VKORC1L1: variants seen among roughly 807,000 people sequenced by gnomAD.
VKORC1L1 encodes vitamin K epoxide reductase complex subunit 1L1, also known as vitamin K epoxide reductase complex subunit 1-like protein 1.
VKORC1L1 carries 2 observed loss-of-function variants against 18.9 expected under a neutral mutation model. The observed-to-expected ratio is 0.11, with a 90% CI of 0.04 to 0.33. The LOEUF (loss-of-function observed/expected upper bound fraction) is 0.33. VKORC1L1 is among the 10% of genes least tolerant of loss of function. The pLI is 1.00. For missense variants in VKORC1L1, 123 were observed against 224.1 expected, an observed-to-expected ratio of 0.55 and a Z score of 2.88; for synonymous variants, 96 against 100.0, an observed-to-expected ratio of 0.96 and a Z score of 0.24.
intron 1 of VKORC1L1, among the ~76,000 whole-genome samples, chr7:65,887,929 T>C (rs1789043086): frequency 6.6e-6 from 1 of 152,402 alleles, no homozygotes. Context: ...GTTTAGACTT[T>C]ATCACTTAGT....
intron 1 of VKORC1L1, among the ~76,000 whole-genome samples, chr7:65,913,717 ACT>A (rs1286060549): frequency 2.9e-5 from 3 of 102,486 alleles, no homozygotes; most frequent in African/African-American, 1.1e-4. Flanking sequence ...ACAGAGTGAG[ACT>A]CTGTCTCAAA....
intron 1 of VKORC1L1, among the ~76,000 whole-genome samples, chr7:65,929,183 C>T (rs559567756): frequency 6.6e-5 from 10 of 152,140 alleles, no homozygotes; most frequent in Non-Finnish European, 1.2e-4. Flanking sequence ...CTGAGGCAGA[C>T]GCATCACCTG....
chr7:65,940,535 A>G (rs1790017051), intron 1 of VKORC1L1, among the ~76,000 whole-genome samples: 1 of 152,176 alleles, frequency 6.6e-6, no homozygotes, highest in African/African-American at 2.4e-5. Context: ...CAGTGTGGGG[A>G]AGAGATTGGA....
At chr7:65,940,924 A>G (rs1012396814) in intron 1 of VKORC1L1, among the ~76,000 whole-genome samples, 1 of 152,186 alleles carries the variant, frequency 6.6e-6, no homozygotes, top group Non-Finnish European at 1.5e-5. Flanking sequence ...AGCTTAAGAG[A>G]GTCCTAAACA....
chr7:65,893,482 A>G (rs1195983497), intron 1 of VKORC1L1, among the ~76,000 whole-genome samples: 4 of 152,202 alleles, frequency 2.6e-5, no homozygotes, highest in Admixed American at 2.0e-4. Context: ...TGGAGAGGTT[A>G]CAGTGAGCCG....
At chr7:65,869,085 C>T (rs555598464), upstream of VKORC1L1, among the ~76,000 whole-genome samples, 698 of 152,120 alleles carry the variant, frequency 4.6e-3, 9 homozygotes, top group African/African-American at 0.016. Context: ...GAGGCCGAGG[C>T]GGGCAGATCA....
At chr7:65,927,393 C>T (rs1256767633) in intron 1 of VKORC1L1, among the ~76,000 whole-genome samples, 9 of 152,140 alleles carry the variant, frequency 5.9e-5, no homozygotes, top group Admixed American at 5.9e-4. Flanking sequence ...TATGGATTCA[C>T]TATATATAGT....
chr7:65,934,220 A>G (rs1789904322), intron 1 of VKORC1L1, among the ~76,000 whole-genome samples: 2 of 151,982 alleles, frequency 1.3e-5, no homozygotes, highest in African/African-American at 4.8e-5. Context: ...ACATAGTGAG[A>G]CCCCCATCTC....
In VKORC1L1 at chr7:65,954,441, G is replaced by A. The variant is rs545870522; in HGVS notation, c.*141G>A. On this transcript the variant is annotated 3_prime_UTR_variant, in exon 3 of 3. Coordinates refer to ENST00000360768, the MANE Select transcript of VKORC1L1 (RefSeq NM_173517.6). ...ATCTCAAACTGATTTTTAAAAATCCGGTAAATTAGAAGGGGCCCTCGCTAT... is the reference window on the plus strand; with the variant it reads ...ATCTCAAACTGATTTTTAAAAATCCAGTAAATTAGAAGGGGCCCTCGCTAT... 7 of 1,350,610 alleles carry A rather than the reference G, an allele frequency of 5.2e-6. No homozygotes were observed. Among genetic ancestry groups the A allele is most frequent in the East Asian group, 2.6e-5 (1 of 37,906 alleles). 83.7% of individuals were successfully genotyped at this position (1,350,610 alleles called of 1,614,324 possible). A position where few individuals can be genotyped will look rare whatever the true frequency, so the allele number is the denominator to read the frequency against.
chr7:65,914,381 C>T (rs967441888), intron 1 of VKORC1L1, among the ~76,000 whole-genome samples: 1 of 152,170 alleles, frequency 6.6e-6, no homozygotes, highest in Non-Finnish European at 1.5e-5. Context: ...GGATTACAGG[C>T]GTGAGTCACT....
intron 1 of VKORC1L1, among the ~76,000 whole-genome samples, chr7:65,899,803 C>G (rs1285075929): frequency 6.6e-6 from 1 of 151,412 alleles, no homozygotes; most frequent in Non-Finnish European, 1.5e-5. Context: ...AGTTTGAGAC[C>G]AGCCTGACCA....
chr7:65,866,862 G>A, the VKORC1L1 span, among the ~76,000 whole-genome samples: 5 of 152,038 alleles, frequency 3.3e-5, no homozygotes, highest in Non-Finnish European at 7.4e-5. Flanking sequence ...CTGTCGAGGA[G>A]GAAGAGGAGG....
Position 65,957,953 on chromosome 7 carries a change from AAG to A in VKORC1L1, c.*3656_*3657del. Reference sequence around the variant, plus strand: ...TTACTTCACAACTTAGATTGGTACCAAGAGTGACAGGAGATCTTGTCTTGGAA... The same window carrying A: ...TTACTTCACAACTTAGATTGGTACCAAGTGACAGGAGATCTTGTCTTGGAA... On this transcript the variant is annotated 3_prime_UTR_variant, in exon 3 of 3. Coordinates refer to ENST00000360768, the MANE Select transcript of VKORC1L1 (RefSeq NM_173517.6). 1 of 152,378 alleles carries A rather than the reference AAG, an allele frequency of 6.6e-6. No homozygotes were observed. The allele number at this position is 152,378 out of a possible 1,614,324, so 9.4% of individuals were successfully genotyped here. A position where few individuals can be genotyped will look rare whatever the true frequency, so the allele number is the denominator to read the frequency against.
intron 1 of VKORC1L1, among the ~76,000 whole-genome samples, chr7:65,899,502 A>G (rs1789273475): frequency 1.3e-5 from 2 of 152,154 alleles, no homozygotes; most frequent in South Asian, 2.1e-4. Flanking sequence ...CATTGTTTCC[A>G]GTAGGATTTT....
At chr7:65,876,430 A>T (rs1788828124) in intron 1 of VKORC1L1, among the ~76,000 whole-genome samples, 2 of 151,682 alleles carry the variant, frequency 1.3e-5, no homozygotes, top group Admixed American at 6.6e-5. Flanking sequence ...TGAACCTGGG[A>T]TGCAGAGGTT....
intron 1 of VKORC1L1, among the ~76,000 whole-genome samples, chr7:65,935,892 G>T (rs1375842431): frequency 1.3e-5 from 2 of 151,896 alleles, no homozygotes; most frequent in African/African-American, 4.8e-5. Flanking sequence ...CCTTCCAGAA[G>T]TCCAGTGAAA....
At chr7:65,898,685 T>A (rs1299918442) in intron 1 of VKORC1L1, among the ~76,000 whole-genome samples, 1 of 152,208 alleles carries the variant, frequency 6.6e-6, no homozygotes, top group East Asian at 1.9e-4. Context: ...TTTTTAAAAT[T>A]TTTAATTGTG....
chr7:65,944,477 G>GT lies in VKORC1L1; in HGVS notation c.195-4186dup, dbSNP rs891151460. On this transcript the variant is annotated intron_variant, in intron 1 of 2. Coordinates refer to ENST00000360768, the MANE Select transcript of VKORC1L1 (RefSeq NM_173517.6). ...TTGAAGCTGGGTGATGGGTACCTGG[G>GT]TTTTTTTTGTTTTTTTGTATGCGTT... Among the ~76,000 whole-genome samples, 6 of 151,710 alleles carry GT rather than the reference G, an allele frequency of 4.0e-5. 1 individual carries two copies. Among genetic ancestry groups the GT allele is most frequent in the African/African-American group, 9.7e-5 (4 of 41,294 alleles).
intron 1 of VKORC1L1, among the ~76,000 whole-genome samples, chr7:65,943,025 T>C (rs1256866696): frequency 1.3e-5 from 2 of 152,180 alleles, no homozygotes; most frequent in Non-Finnish European, 2.9e-5. Flanking sequence ...GTACAAATTA[T>C]GGTATAATTG....
Sources: allele counts gnomAD v4.1 joint callset (sites outside exome capture counted in the v4.1 genomes callset), GRCh38; gene constraint gnomAD v4.1.1; transcripts MANE v1.5; gene names NCBI Gene and HGNC (gene_info 2026-07-23, HGNC 2026-07-21).